The following TAL2 variants were observed in gnomAD, a reference collection of about 807,000 sequenced individuals.
The protein encoded by TAL2 is TAL bHLH transcription factor 2, also known as T-cell acute lymphocytic leukemia protein 2.
For missense variants in TAL2, 114 were observed against 129.6 expected (o/e 0.88, Z 0.58); for synonymous variants, 48 against 52.4 (o/e 0.92, Z 0.36).
At position 105,662,683 on chromosome 9, in the gene TAL2, CT is replaced by C. The variant is rs1322646793; in HGVS notation, c.188del (p.Leu63ArgfsTer83). 1 of 1,613,290 alleles carries C rather than the reference CT, an allele frequency of 6.2e-7. No individual in the cohort carries two copies. The highest frequency in any genetic ancestry group is 1.1e-5 in the South Asian group (1 of 90,794). On this transcript the variant is annotated frameshift_variant, in exon 1 of 1. Transcript: ENST00000334077. LOFTEE classifies it low-confidence loss of function (END_TRUNC). The part of the protein sequence containing the change: ...FLVKVLGEQS[L>X]QQTGVAAQGN... ...GGTCAAGGTCTTGGGGGAGCAAAGC[CT>C]GCAACAAACGGGAGTGGCTGCTCAG...
In TAL2 at chr9:105,662,771, T is replaced by C; in HGVS notation, c.275T>C (p.Leu92Pro). 6.5e-7 allele frequency: 1 copy of C among 1,543,098 alleles called. No homozygotes were observed. Among genetic ancestry groups the C allele is most frequent in the Non-Finnish European group, 8.7e-7 (1 of 1,146,594 alleles). The change falls in exon 1 of 1, where the codon CTG becomes CCG. Residue 92 changes from leucine to proline, a missense_variant. Physicochemically the swap from Leu to Pro is moderately conservative, Grantham distance 98. Coordinates refer to ENST00000334077, the MANE Select transcript of TAL2 (RefSeq NM_005421.3). ...CTGCCAGGCCTGGAGGACAGAACTC[T>C]GCTTGAGAACTACCAGGTTCCTTCA... is the stretch of plus-strand genomic sequence containing the variant. Reference protein sequence around the residue: ...PHLPGLEDRTLLENYQVPSPG... With the variant: ...PHLPGLEDRTPLENYQVPSPG...
chr9:105,663,100 A>AG lies in TAL2; in HGVS notation c.*277_*278insG, dbSNP rs2133519008. On this transcript the variant is annotated 3_prime_UTR_variant, in exon 1 of 1. Coordinates refer to ENST00000334077, the MANE Select transcript of TAL2 (RefSeq NM_005421.3). ...TAAGACTTTTGGAGAAAAAATTCTA[A>AG]ATAAAAAAAAAAAAAGGCTGAAAAT... 1 of 335,210 alleles carries AG rather than the reference A, an allele frequency of 3.0e-6. No individual in the cohort carries two copies. Among genetic ancestry groups the AG allele is most frequent in the African/African-American group, 2.3e-5 (1 of 43,506 alleles). 20.8% of individuals were successfully genotyped at this position (335,210 alleles called of 1,614,324 possible). A position where few individuals can be genotyped will look rare whatever the true frequency, so the allele number is the denominator to read the frequency against.
rs201145548 is a variant in TAL2 at position 105,662,492 on chromosome 9, C to G, written c.-5C>G. The stretch of plus-strand genomic sequence containing the variant: ...CCTTTCTCTTTCCATCTCAGGAACT[C>G]AAACATGACCAGGAAGATCTTCACA... On this transcript the variant is annotated 5_prime_UTR_variant, in exon 1 of 1. Transcript: ENST00000334077. The G allele has an allele frequency of 2.9e-4, 466 of 1,589,710 alleles. 2 individuals carry two copies. In the African/African-American group the frequency reaches 5.0e-3, roughly 17 times the overall value.
In TAL2 at chr9:105,662,854, C is replaced by T. The variant is rs1834857695; in HGVS notation, c.*31C>T. ...CTCTGGCTGTCATCTCCCAGGGCAGCACTTGCCCAGAAATCACTGCCTGTG... is the reference window on the plus strand; with the variant it reads ...CTCTGGCTGTCATCTCCCAGGGCAGTACTTGCCCAGAAATCACTGCCTGTG... On this transcript the variant is annotated 3_prime_UTR_variant, in exon 1 of 1. Coordinates refer to ENST00000334077, the MANE Select transcript of TAL2 (RefSeq NM_005421.3). 1 of 1,452,748 alleles carries T rather than the reference C, an allele frequency of 6.9e-7. No individual in the cohort carries two copies. The highest frequency in any genetic ancestry group is 1.6e-5 in the South Asian group (1 of 61,608). 90.0% of individuals were successfully genotyped at this position (1,452,748 alleles called of 1,614,324 possible). A position where few individuals can be genotyped will look rare whatever the true frequency, so the allele number is the denominator to read the frequency against.
In TAL2 at chr9:105,662,926, A is replaced by G; in HGVS notation, c.*103A>G. The G allele has an allele frequency of 1.1e-6, 1 of 933,930 alleles. No individual in the cohort carries two copies. The highest frequency in any genetic ancestry group is 1.4e-6 in the Non-Finnish European group (1 of 690,614). 57.9% of individuals were successfully genotyped at this position (933,930 alleles called of 1,614,324 possible). A position where few individuals can be genotyped will look rare whatever the true frequency, so the allele number is the denominator to read the frequency against. On this transcript the variant is annotated 3_prime_UTR_variant, in exon 1 of 1. Transcript: ENST00000334077. ...GAGTTGACCTGATGATAACTCGTGA[A>G]GCATGAATTCTAGCTTCCTGGGAGG...
Position 105,663,015 on chromosome 9 carries a change from C to A in TAL2, c.*192C>A. 1 of 432,456 alleles carries A rather than the reference C, an allele frequency of 2.3e-6. No homozygotes were observed. The highest frequency in any genetic ancestry group is 4.1e-6 in the Non-Finnish European group (1 of 245,640). The allele number at this position is 432,456 out of a possible 1,614,324, so 26.8% of individuals were successfully genotyped here. A position where few individuals can be genotyped will look rare whatever the true frequency, so the allele number is the denominator to read the frequency against. ...GAGGAATGTCACTTGTGGGCCGCCA[C>A]CCCCCAGGGATGTCAGGTAGAGCGG... On this transcript the variant is annotated 3_prime_UTR_variant, in exon 1 of 1. Transcript: ENST00000334077.
At position 105,662,665 on chromosome 9, in the gene TAL2, G is replaced by T. The variant is rs1336905354; in HGVS notation, c.169G>T (p.Val57Phe). 26 of 1,613,784 alleles carry T rather than the reference G, an allele frequency of 1.6e-5. No individual in the cohort carries two copies. The East Asian group carries it at 5.6e-4, about 35-fold the overall frequency. The change falls in exon 1 of 1, where the codon GTC (valine) becomes TTC (phenylalanine). Residue 57 changes from valine (V) to phenylalanine (F), a missense_variant. Val to Phe is a conservative substitution (Grantham distance 50, BLOSUM62 -1). Coordinates refer to ENST00000334077, the MANE Select transcript of TAL2 (RefSeq NM_005421.3). ...GAGGTATATCAACTTCTTGGTCAAGGTCTTGGGGGAGCAAAGCCTGCAACA... is the reference window on the plus strand; with the variant it reads ...GAGGTATATCAACTTCTTGGTCAAGTTCTTGGGGGAGCAAAGCCTGCAACA... ...AMRYINFLVKVLGEQSLQQTG... is the reference protein window; with the variant it reads ...AMRYINFLVKFLGEQSLQQTG...
chr9:105,662,598 A>C lies in TAL2; in HGVS notation c.102A>C (p.Pro34=). 6.2e-7 allele frequency: 1 copy of C among 1,614,092 alleles called. No individual in the cohort carries two copies. Among genetic ancestry groups the C allele is most frequent in the Non-Finnish European group, 8.5e-7 (1 of 1,179,984 alleles). The change falls in exon 1 of 1, where the codon CCA becomes CCC. Residue 34 remains proline (P), a synonymous_variant. Transcript: ENST00000334077. ...GGAAGCTCATCCCCACTCACCCTCC[A>C]GACAAAAAGCTGAGCAAAAATGAAA... The part of the protein sequence containing the change: ...KLRKLIPTHP[P]DKKLSKNETL...
In TAL2 at chr9:105,662,502, C is replaced by T. The variant is rs947110393; in HGVS notation, c.6C>T (p.Thr2=). The T allele has an allele frequency of 8.1e-6, 13 of 1,601,146 alleles. No homozygotes were observed. The highest frequency in any genetic ancestry group is 1.1e-5 in the Non-Finnish European group (13 of 1,175,246). The change falls in exon 1 of 1, where the codon ACC becomes ACT. Residue 2 remains threonine (T), a synonymous_variant. Coordinates refer to ENST00000334077, the MANE Select transcript of TAL2 (RefSeq NM_005421.3). The part of the protein sequence containing the change: M[T]RKIFTNTRER... ...TCCATCTCAGGAACTCAAACATGAC[C>T]AGGAAGATCTTCACAAATACCAGGG... is the stretch of plus-strand genomic sequence containing the variant.
rs144970583 is a variant in TAL2, at chr9:105,662,528, A to G, written c.32A>G (p.Glu11Gly). The G allele has an allele frequency of 6.2e-7, 1 of 1,611,456 alleles. No homozygotes were observed. Among genetic ancestry groups the G allele is most frequent in the East Asian group, 2.2e-5 (1 of 44,862 alleles). MTRKIFTNTR[E>G]RWRQQNVNSA... ...AGGAAGATCTTCACAAATACCAGGG[A>G]GCGGTGGAGGCAGCAGAATGTCAAC... Residue 11 changes from glutamate to glycine, a missense_variant, in exon 1 of 1, where the codon GAG becomes GGG. By Grantham distance (98) the Glu-to-Gly change is moderately conservative (BLOSUM62 -2). Coordinates refer to ENST00000334077, the MANE Select transcript of TAL2 (RefSeq NM_005421.3).
rs1834858186 is a variant in TAL2, at chr9:105,662,909, C to T, written c.*86C>T. 9.6e-7 allele frequency: 1 copy of T among 1,041,164 alleles called. No homozygotes were observed. The highest frequency in any genetic ancestry group is 3.9e-5 in the Admixed American group (1 of 25,342). 64.5% of individuals were successfully genotyped at this position (1,041,164 alleles called of 1,614,324 possible). A position where few individuals can be genotyped will look rare whatever the true frequency, so the allele number is the denominator to read the frequency against. On this transcript the variant is annotated 3_prime_UTR_variant, in exon 1 of 1. Transcript: ENST00000334077. Reference sequence around the variant, plus strand: ...GACTTTTGCATGTTCCAGAGTTGACCTGATGATAACTCGTGAAGCATGAAT... The same window carrying T: ...GACTTTTGCATGTTCCAGAGTTGACTTGATGATAACTCGTGAAGCATGAAT...
In TAL2 at chr9:105,663,010, C is replaced by T. The variant is rs1023508588; in HGVS notation, c.*187C>T. 10 of 442,824 alleles carry T rather than the reference C, an allele frequency of 2.3e-5. No homozygotes were observed. The highest frequency in any genetic ancestry group is 1.4e-4 in the African/African-American group (7 of 49,180). The allele number at this position is 442,824 out of a possible 1,614,324, so 27.4% of individuals were successfully genotyped here. The stretch of plus-strand genomic sequence containing the variant: ...GCCATGAGGAATGTCACTTGTGGGC[C>T]GCCACCCCCCAGGGATGTCAGGTAG... On this transcript the variant is annotated 3_prime_UTR_variant, in exon 1 of 1. Coordinates refer to ENST00000334077, the MANE Select transcript of TAL2 (RefSeq NM_005421.3).
rs776803458 is a variant in TAL2, at chr9:105,662,657, T to TGGTCAAG, written c.163_169dup (p.Val57GlyfsTer40). 6.2e-7 allele frequency: 1 copy of TGGTCAAG among 1,613,870 alleles called. No homozygotes were observed. Among genetic ancestry groups the TGGTCAAG allele is most frequent in the East Asian group, 2.2e-5 (1 of 44,854 alleles). On this transcript the variant is annotated frameshift_variant, in exon 1 of 1. Coordinates refer to ENST00000334077, the MANE Select transcript of TAL2 (RefSeq NM_005421.3). LOFTEE classifies it high-confidence loss of function. Reference sequence around the variant, plus strand: ...CTGGCAATGAGGTATATCAACTTCTTGGTCAAGGTCTTGGGGGAGCAAAGC... The same window carrying TGGTCAAG: ...CTGGCAATGAGGTATATCAACTTCTTGGTCAAGGGTCAAGGTCTTGGGGGAGCAAAGC...
In TAL2 at chr9:105,662,586, C is replaced by T. The variant is rs750402757; in HGVS notation, c.90C>T (p.Pro30=). 16 of 1,614,064 alleles carry T rather than the reference C, an allele frequency of 9.9e-6. No homozygotes were observed. Among genetic ancestry groups the T allele is most frequent in the South Asian group, 3.3e-5 (3 of 91,038 alleles). The change falls in exon 1 of 1, where the codon CCC becomes CCT. Residue 30 remains proline (P), a synonymous_variant. Coordinates refer to ENST00000334077, the MANE Select transcript of TAL2 (RefSeq NM_005421.3). ...SAFAKLRKLI[P]THPPDKKLSK... ...TTGCCAAGCTGAGGAAGCTCATCCC[C>T]ACTCACCCTCCAGACAAAAAGCTGA... is the stretch of plus-strand genomic sequence containing the variant.
Position 105,662,725 on chromosome 9 carries a change from C to T in TAL2, c.229C>T (p.Leu77Phe), listed in dbSNP as rs1490653161. ...GGCTGCTCAGGGGAACATTCTGGGG[C>T]TCTTCCCTCAAGGACCCCACCTGCC... The part of the protein sequence containing the change: ...GVAAQGNILG[L>F]FPQGPHLPGL... The change falls in exon 1 of 1, where the codon CTC becomes TTC. Residue 77 changes from leucine (L) to phenylalanine (F), a missense_variant. Transcript: ENST00000334077. 1 of 1,602,608 alleles carries T rather than the reference C, an allele frequency of 6.2e-7. No homozygotes were observed. The highest frequency in any genetic ancestry group is 1.3e-5 in the African/African-American group (1 of 74,496).
Position 105,663,011 on chromosome 9 carries a change from G to T in TAL2, c.*188G>T. The stretch of plus-strand genomic sequence containing the variant: ...CCATGAGGAATGTCACTTGTGGGCC[G>T]CCACCCCCCAGGGATGTCAGGTAGA... On this transcript the variant is annotated 3_prime_UTR_variant, in exon 1 of 1. Transcript: ENST00000334077. The T allele has an allele frequency of 2.3e-6, 1 of 441,718 alleles. No homozygotes were observed. The highest frequency in any genetic ancestry group is 3.9e-6 in the Non-Finnish European group (1 of 253,924). 27.4% of individuals were successfully genotyped at this position (441,718 alleles called of 1,614,324 possible). A position where few individuals can be genotyped will look rare whatever the true frequency, so the allele number is the denominator to read the frequency against.
rs775375184 is a variant in TAL2, at chr9:105,662,671, G to T, written c.175G>T (p.Gly59Trp). ...RYINFLVKVLGEQSLQQTGVA... is the reference protein window; with the variant it reads ...RYINFLVKVLWEQSLQQTGVA... ...TATCAACTTCTTGGTCAAGGTCTTG[G>T]GGGAGCAAAGCCTGCAACAAACGGG... Residue 59 changes from glycine to tryptophan, a missense_variant, in exon 1 of 1, where the codon GGG becomes TGG. Coordinates refer to ENST00000334077, the MANE Select transcript of TAL2 (RefSeq NM_005421.3). The T allele has an allele frequency of 5.0e-6, 8 of 1,613,688 alleles. No homozygotes were observed. The South Asian group carries it at 6.6e-5, about 13-fold the overall frequency.
chr9:105,662,850 G>A lies in TAL2; in HGVS notation c.*27G>A. ...GTGGCTCTGGCTGTCATCTCCCAGGGCAGCACTTGCCCAGAAATCACTGCC... is the reference window on the plus strand; with the variant it reads ...GTGGCTCTGGCTGTCATCTCCCAGGACAGCACTTGCCCAGAAATCACTGCC... On this transcript the variant is annotated 3_prime_UTR_variant, in exon 1 of 1. Transcript: ENST00000334077. 14 of 1,461,200 alleles carry A rather than the reference G, an allele frequency of 9.6e-6. No homozygotes were observed. Among genetic ancestry groups the A allele is most frequent in the Non-Finnish European group, 1.3e-5 (14 of 1,104,316 alleles). 90.5% of individuals were successfully genotyped at this position (1,461,200 alleles called of 1,614,324 possible). A position where few individuals can be genotyped will look rare whatever the true frequency, so the allele number is the denominator to read the frequency against.
chr9:105,662,594 C>T lies in TAL2; in HGVS notation c.98C>T (p.Pro33Leu), dbSNP rs1206797322. 6.2e-7 allele frequency: 1 copy of T among 1,614,088 alleles called. No individual in the cohort carries two copies. The highest frequency in any genetic ancestry group is 8.5e-7 in the Non-Finnish European group (1 of 1,180,002). Residue 33 changes from proline (P) to leucine (L), a missense_variant, in exon 1 of 1, where the codon CCT (proline) becomes CTT (leucine). Pro to Leu is a moderately conservative substitution (Grantham distance 98, BLOSUM62 -3). Coordinates refer to ENST00000334077, the MANE Select transcript of TAL2 (RefSeq NM_005421.3). ...CTGAGGAAGCTCATCCCCACTCACC[C>T]TCCAGACAAAAAGCTGAGCAAAAAT... ...AKLRKLIPTH[P>L]PDKKLSKNET...
Sources: allele counts gnomAD v4.1 joint callset, GRCh38; gene constraint gnomAD v4.1.1; transcripts MANE v1.5; gene names NCBI Gene and HGNC (gene_info 2026-07-23, HGNC 2026-07-21).